The following PCDH15 variants were observed in gnomAD, a reference collection of about 807,000 sequenced individuals.
PCDH15 encodes the protein protocadherin-15.
PCDH15 carries 129 observed loss-of-function variants against 178.5 expected under a neutral mutation model. That is an observed-to-expected ratio of 0.72 (90% confidence interval 0.63 to 0.84). PCDH15 has a LOEUF of 0.84. Ranked by LOEUF, PCDH15 falls within the 40% of genes least tolerant of loss-of-function variation. PCDH15 has a pLI of 0.00. For missense variants in PCDH15, 2,230 were observed against 2,099.9 expected, an observed-to-expected ratio of 1.06 and a Z score of -1.21; for synonymous variants, 800 against 732.0, an observed-to-expected ratio of 1.09 and a Z score of -1.50.
chr10:55,524,105 C>T (rs1589108929), intron 2 of PCDH15, among the ~76,000 whole-genome samples: 2 of 150,592 alleles, frequency 1.3e-5, no homozygotes, highest in East Asian at 3.9e-4. Flanking sequence ...CCTTGTAATT[C>T]AAAGCTACTT....
chr10:55,521,680 G>A (rs752430156), intron 2 of PCDH15, among the ~76,000 whole-genome samples: 35 of 151,902 alleles, frequency 2.3e-4, no homozygotes, highest in Non-Finnish European at 3.8e-4. Flanking sequence ...ATATCTTGTA[G>A]AGATGCAGAT....
At chr10:53,819,347 T>G (rs1460996452) in intron 33 of PCDH15, among the ~76,000 whole-genome samples, 1 of 152,024 alleles carries the variant, frequency 6.6e-6, no homozygotes, top group Non-Finnish European at 1.5e-5. Context: ...TCAATGTTAA[T>G]GTTTCCATTC....
At chr10:55,406,553 A>T (rs1429629063) in intron 2 of PCDH15, among the ~76,000 whole-genome samples, 1 of 152,202 alleles carries the variant, frequency 6.6e-6, no homozygotes, top group East Asian at 1.9e-4. Context: ...AGTAGTCATC[A>T]GATGAGGTGG....
At chr10:53,967,846 C>T (rs1038126884) in intron 21 of PCDH15, among the ~76,000 whole-genome samples, 1 of 151,966 alleles carries the variant, frequency 6.6e-6, no homozygotes, top group Non-Finnish European at 1.5e-5. Flanking sequence ...TTTTTTGGAC[C>T]ATGAATAATG....
intron 3 of PCDH15, among the ~76,000 whole-genome samples, chr10:54,503,777 A>G (rs933373494): frequency 5.3e-5 from 8 of 152,096 alleles, no homozygotes; most frequent in Non-Finnish European, 4.4e-5. Flanking sequence ...AGGCAACAAG[A>G]GGTGTTTAGA....
intron 5 of PCDH15, among the ~76,000 whole-genome samples, chr10:54,356,737 G>A (rs1945046137): frequency 6.6e-6 from 1 of 151,874 alleles, no homozygotes; most frequent in African/African-American, 2.4e-5. Context: ...GAAGAAACAT[G>A]GTAAATAAAA....
intron 2 of PCDH15, among the ~76,000 whole-genome samples, chr10:55,424,539 A>G (rs1305636776): frequency 2.0e-5 from 3 of 152,062 alleles, no homozygotes; most frequent in Non-Finnish European, 4.4e-5. Context: ...GTAGGCATCT[A>G]CCCTGCTAAT....
intron 3 of PCDH15, among the ~76,000 whole-genome samples, chr10:54,482,489 G>A (rs1370357320): frequency 6.6e-6 from 1 of 151,766 alleles, no homozygotes; most frequent in Non-Finnish European, 1.5e-5. Flanking sequence ...AGTAGAGAGT[G>A]TATTTATTTA....
intron 10 of PCDH15, among the ~76,000 whole-genome samples, chr10:54,201,129 T>G (rs1168381978): frequency 6.6e-6 from 1 of 152,230 alleles, no homozygotes; most frequent in East Asian, 1.9e-4. Context: ...TGGAGGCACC[T>G]CTTGCTTCAG....
At chr10:54,132,371 A>C (rs11004088) in intron 15 of PCDH15, among the ~76,000 whole-genome samples, 10,787 of 152,226 alleles carry the variant, frequency 0.071, 900 homozygotes, top group African/African-American at 0.2. Context: ...CCCTTCTTCT[A>C]AAGGAATAAA....
intron 3 of PCDH15, among the ~76,000 whole-genome samples, chr10:54,470,955 A>G (rs2077878251): frequency 1.3e-5 from 2 of 152,118 alleles, no homozygotes; most frequent in Admixed American, 1.3e-4. Context: ...AAGACCCTTG[A>G]AAAATGAATG....
At chr10:54,149,233 G>A (rs1252161292) in intron 14 of PCDH15, among the ~76,000 whole-genome samples, 1 of 152,018 alleles carries the variant, frequency 6.6e-6, no homozygotes, top group Non-Finnish European at 1.5e-5. Flanking sequence ...TCTCAAAATT[G>A]CTATGCTAAA....
At chr10:54,507,503 T>C (rs1245688410) in intron 3 of PCDH15, among the ~76,000 whole-genome samples, 2 of 151,834 alleles carry the variant, frequency 1.3e-5, no homozygotes, top group African/African-American at 2.4e-5. Flanking sequence ...GTATGGTATA[T>C]GGAAAGAAAA....
At chr10:55,135,574 CTTTTTTTT>C (rs56956557) in intron 2 of PCDH15, among the ~76,000 whole-genome samples, 3 of 68,220 alleles carry the variant, frequency 4.4e-5, no homozygotes, top group African/African-American at 5.6e-5. Flanking sequence ...TCTTTTCTTT[CTTTTTTTT>C]TTTTTTTTTT....
rs536278593 is a variant in PCDH15 at position 53,852,280 on chromosome 10, T to TA, written c.3806+4894dup. Among the ~76,000 whole-genome samples, 4 of 151,740 alleles carry TA rather than the reference T, an allele frequency of 2.6e-5. 1 individual carries two copies. The highest frequency in any genetic ancestry group is 1.3e-4 in the Admixed American group (2 of 15,180). On this transcript the variant is annotated intron_variant, in intron 28 of 37. Coordinates refer to ENST00000644397, the MANE Select transcript of PCDH15 (RefSeq NM_001384140.1). Reference sequence around the variant, plus strand: ...CAGCTGTTTCTCCTATACCTTAATTTAAAAAAAAGTAATTTAAAAAACCAC... The same window carrying TA: ...CAGCTGTTTCTCCTATACCTTAATTTAAAAAAAAAGTAATTTAAAAAACCAC...
intron 18 of PCDH15, among the ~76,000 whole-genome samples, chr10:54,049,160 G>A (rs965334950): frequency 2.0e-5 from 3 of 152,114 alleles, no homozygotes; most frequent in South Asian, 4.2e-4. Context: ...CACTTGATTT[G>A]GCTCTCAGCT....
At chr10:54,000,225 C>CTGTGAAG (rs2092062627) in intron 20 of PCDH15, among the ~76,000 whole-genome samples, 1 of 152,056 alleles carries the variant, frequency 6.6e-6, no homozygotes, top group Non-Finnish European at 1.5e-5. Flanking sequence ...ACGAAGAAGT[C>CTGTGAAG]CAGACTGTGA....
At chr10:55,267,389 T>A (rs1842327940) in intron 1 of PCDH15, among the ~76,000 whole-genome samples, 1 of 152,216 alleles carries the variant, frequency 6.6e-6, no homozygotes, top group Non-Finnish European at 1.5e-5. Context: ...GTAATTATTG[T>A]GTTAACTAAA....
intron 3 of PCDH15, among the ~76,000 whole-genome samples, chr10:54,882,537 C>G (rs897855306): frequency 2.6e-5 from 4 of 152,000 alleles, no homozygotes; most frequent in Admixed American, 6.6e-5. Flanking sequence ...TCCTGGCCCC[C>G]ACAAATCACT....
Sources: gnomAD v4.1 joint callset for allele counts (sites outside exome capture counted in the v4.1 genomes callset) on GRCh38, gnomAD v4.1.1 for gene constraint, MANE v1.5 for transcripts, NCBI Gene and HGNC (gene_info 2026-07-23, HGNC 2026-07-21) for gene names.